The following KMT2C variants were observed in gnomAD, a reference collection of about 807,000 sequenced individuals.
KMT2C encodes the protein lysine methyltransferase 2C.
In KMT2C, 88 loss-of-function variants were observed where a neutral mutation model predicts 507.9. That is an observed-to-expected ratio of 0.17 (90% CI 0.15 to 0.21). The LOEUF is 0.21. Among genes scored for constraint, KMT2C ranks in the 10% least tolerant of loss-of-function variants. The pLI is 1.00. For missense variants in KMT2C, 4,954 were observed against 5,957.8 expected (o/e 0.83, Z 5.55); for synonymous variants, 2,049 against 2,080.8 (o/e 0.98, Z 0.42).
intron 1 of KMT2C, among the ~76,000 whole-genome samples, chr7:152,400,832 C>A (rs114613833): frequency 0.014 from 1,937 of 135,008 alleles, 46 homozygotes; most frequent in African/African-American, 0.052. Context: ...AACAAGGCAA[C>A]AGGTCTAAAT....
intron 9 of KMT2C, among the ~76,000 whole-genome samples, chr7:152,257,847 G>A (rs527265062): frequency 2.7e-5 from 4 of 150,920 alleles, no homozygotes; most frequent in East Asian, 1.9e-4. Context: ...AACGATAGCC[G>A]ATGAGCTACA....
intron 15 of KMT2C, among the ~76,000 whole-genome samples, chr7:152,237,515 T>TG (rs1213927491): frequency 2.0e-5 from 3 of 152,214 alleles, no homozygotes; most frequent in African/African-American, 2.4e-5. Flanking sequence ...TGTTTATTTT[T>TG]GAGATGGAGT....
At chr7:152,295,496 T>G (rs571581545) in intron 6 of KMT2C, among the ~76,000 whole-genome samples, 2 of 152,356 alleles carry the variant, frequency 1.3e-5, no homozygotes, top group South Asian at 4.1e-4. Context: ...TATGTTAATC[T>G]ACTGAAACTT....
chr7:152,368,356 C>A, intron 1 of KMT2C: 1 of 1,149,360 alleles, frequency 8.7e-7, no homozygotes, highest in Non-Finnish European at 1.3e-6. Context: ...TAAGAGCCCT[C>A]TGGCACAAAT....
At chr7:152,214,743 G>A (rs1171224805) in intron 23 of KMT2C, among the ~76,000 whole-genome samples, 9 of 152,056 alleles carry the variant, frequency 5.9e-5, no homozygotes, top group African/African-American at 2.2e-4. Flanking sequence ...AGAATGGTAG[G>A]CAGCGGGGTG....
intron 27 of KMT2C, among the ~76,000 whole-genome samples, chr7:152,198,845 A>G (rs969569820): frequency 2.0e-5 from 3 of 152,144 alleles, no homozygotes; most frequent in African/African-American, 7.2e-5. Context: ...GTAAGAAACC[A>G]TGACCTAGGG....
At chr7:152,208,570 G>A (rs2094368263) in intron 23 of KMT2C, among the ~76,000 whole-genome samples, 1 of 152,190 alleles carries the variant, frequency 6.6e-6, no homozygotes, top group Non-Finnish European at 1.5e-5. Flanking sequence ...TTCACTGAAT[G>A]AGGTAAATGG....
At chr7:152,159,567 T>C (rs914690123) in intron 43 of KMT2C, among the ~76,000 whole-genome samples, 3 of 152,298 alleles carry the variant, frequency 2.0e-5, no homozygotes, top group Non-Finnish European at 2.9e-5. Context: ...AGAGAACAGA[T>C]AGCACCAGAC....
At chr7:152,172,530 T>C (rs922157888) in intron 39 of KMT2C, among the ~76,000 whole-genome samples, 4 of 152,158 alleles carry the variant, frequency 2.6e-5, no homozygotes, top group Non-Finnish European at 5.9e-5. Flanking sequence ...ACCCTGTCTC[T>C]ACCAAAAATA....
chr7:152,287,982 T>C (rs1193570791), intron 6 of KMT2C, among the ~76,000 whole-genome samples: 89 of 134,560 alleles, frequency 6.6e-4, no homozygotes, highest in Non-Finnish European at 1.2e-3. Context: ...TGAGATCATT[T>C]ACTGCATTCC....
At position 152,360,473 on chromosome 7, in the gene KMT2C, T is replaced by C. The variant is rs868731044; in HGVS notation, c.162-1798A>G. 4.2e-4 allele frequency among the ~76,000 whole-genome samples: 63 copies of C among 150,234 alleles called. 2 individuals carry two copies. The Middle Eastern group carries it at 0.01, about 24-fold the overall frequency. ...AGCCTGGGCAACAAGAGTGAAACTC[T>C]GTCTCAAAAAAAAAAAGTTAACCAA... On this transcript the variant is annotated intron_variant, in intron 1 of 58. Coordinates refer to ENST00000262189, the MANE Select transcript of KMT2C (RefSeq NM_170606.3).
At chr7:152,393,199 A>C (rs2116562832) in intron 1 of KMT2C, among the ~76,000 whole-genome samples, 1 of 152,352 alleles carries the variant, frequency 6.6e-6, no homozygotes, top group Admixed American at 6.5e-5. Flanking sequence ...TTAAAATGAC[A>C]ACTGCACCCA....
intron 44 of KMT2C, among the ~76,000 whole-genome samples, chr7:152,158,621 T>C (rs2092250703): frequency 6.6e-6 from 1 of 151,648 alleles, no homozygotes; most frequent in African/African-American, 2.4e-5. Flanking sequence ...GCTCAAGCAA[T>C]TCTCGTGCCT....
intron 25 of KMT2C, 102 bp from the exon 26 acceptor site, chr7:152,203,166 TAAAC>T (rs1351626566): frequency 7.0e-6 from 6 of 855,120 alleles, no homozygotes; most frequent in Non-Finnish European, 1.0e-5. Context: ...CAGTTTCATA[TAAAC>T]AAACAAGCTT....
chr7:152,385,933 C>T (rs377027007), intron 1 of KMT2C, among the ~76,000 whole-genome samples: 1 of 151,306 alleles, frequency 6.6e-6, no homozygotes, highest in Non-Finnish European at 1.5e-5. Context: ...ACTAAAAATA[C>T]AAAAATTAGC....
intron 9 of KMT2C, among the ~76,000 whole-genome samples, chr7:152,261,470 C>T (rs2095775615): frequency 6.6e-6 from 1 of 151,992 alleles, no homozygotes; most frequent in Non-Finnish European, 1.5e-5. Flanking sequence ...AACACAAATG[C>T]TACACCTTTA....
chr7:152,308,673 CAAAAAAAAAAAAAA>C (rs938826373), intron 6 of KMT2C, among the ~76,000 whole-genome samples: 5 of 24,558 alleles, frequency 2.0e-4, no homozygotes, highest in Admixed American at 6.2e-4. Flanking sequence ...AAACTCCTCT[CAAAAAAAAAAAAAA>C]AAAAAAAAAA....
chr7:152,162,439 G>A lies in KMT2C; in HGVS notation c.11138C>T (p.Ala3713Val), dbSNP rs2129103765. The change falls in exon 43 of 59, where the codon GCC (alanine) becomes GTC (valine). Residue 3713 changes from alanine (A) to valine (V), a missense_variant. Around this residue, in one of 29 missense-constraint regions of KMT2C, gnomAD observed 801 missense variants for 751.2 expected, o/e 1.07. Transcript: ENST00000262189. Reference sequence around the variant, plus strand: ...TTCCAGTTTTATCTCTTCTGTTTTGGCAGGGGTTTCCATGGAGAGCTTGTC... The same window carrying A: ...TTCCAGTTTTATCTCTTCTGTTTTGACAGGGGTTTCCATGGAGAGCTTGTC... ...EVDKLSMETP[A>V]KTEEIKLEKA... is the part of the protein sequence containing the mutation. 6.2e-7 allele frequency: 1 copy of A among 1,614,218 alleles called. No homozygotes were observed. The highest frequency in any genetic ancestry group is 8.5e-7 in the Non-Finnish European group (1 of 1,180,042).
intron 1 of KMT2C, among the ~76,000 whole-genome samples, chr7:152,389,877 G>A (rs2097476314): frequency 1.3e-5 from 2 of 152,156 alleles, no homozygotes; most frequent in African/African-American, 2.4e-5. Flanking sequence ...AAAAAAGAAT[G>A]GAATCATGTC....
Sources: gnomAD v4.1 joint callset for allele counts (sites outside exome capture counted in the v4.1 genomes callset) on GRCh38, gnomAD v4.1.1 for gene constraint, gnomAD v4.1.1 regional missense constraint, MANE v1.5 for transcripts, NCBI Gene and HGNC (gene_info 2026-07-23, HGNC 2026-07-21) for gene names.